Variants in NTNG1 observed in about 807,000 individuals in gnomAD.
The protein encoded by NTNG1 is netrin G1.
Under a neutral mutation model 54.0 loss-of-function variants are expected in NTNG1, and 16 were observed. The ratio of observed to expected loss-of-function variants is 0.30; its 90% CI spans 0.20 to 0.45. NTNG1 has a LOEUF of 0.45. NTNG1 is among the 20% of genes least tolerant of loss of function. The pLI is 1.00. For missense variants in NTNG1, 530 were observed against 678.7 expected (o/e 0.78, Z 2.43); for synonymous variants, 255 against 263.1 (o/e 0.97, Z 0.30).
At chr1:107,330,467 A>G (rs1406228519) in intron 3 of NTNG1, among the ~76,000 whole-genome samples, 1 of 152,196 alleles carries the variant, frequency 6.6e-6, no homozygotes, top group East Asian at 1.9e-4. Flanking sequence ...CATATTCCAC[A>G]GGAGCCATCA....
At chr1:107,293,357 T>C (rs968952362) in intron 2 of NTNG1, among the ~76,000 whole-genome samples, 4 of 152,230 alleles carry the variant, frequency 2.6e-5, no homozygotes, top group Non-Finnish European at 4.4e-5. Flanking sequence ...ATTCATATTC[T>C]AGGAATTTTT....
chr1:107,449,814 T>C (rs1395579428), intron 7 of NTNG1, among the ~76,000 whole-genome samples: 1 of 152,066 alleles, frequency 6.6e-6, no homozygotes, highest in African/African-American at 2.4e-5. Context: ...TGCTTTATAA[T>C]TGATTTTTCT....
chr1:107,456,106 C>T (rs1394847095), intron 7 of NTNG1, among the ~76,000 whole-genome samples: 1 of 152,068 alleles, frequency 6.6e-6, no homozygotes, highest in Non-Finnish European at 1.5e-5. Flanking sequence ...AAACAGAAAA[C>T]CATTACATGC....
At chr1:107,378,087 A>G (rs1240341911) in intron 3 of NTNG1, among the ~76,000 whole-genome samples, 1 of 152,238 alleles carries the variant, frequency 6.6e-6, no homozygotes, top group Admixed American at 6.5e-5. Flanking sequence ...GTAAGTGCTT[A>G]TATTTAGAAA....
chr1:107,327,855 G>A (rs1479875441), intron 3 of NTNG1, among the ~76,000 whole-genome samples: 1 of 152,102 alleles, frequency 6.6e-6, no homozygotes, highest in Non-Finnish European at 1.5e-5. Flanking sequence ...CTTTGCTTAA[G>A]ATGACTGAGC....
At chr1:107,172,744 C>G (rs1380273432) in intron 2 of NTNG1, among the ~76,000 whole-genome samples, 1 of 152,146 alleles carries the variant, frequency 6.6e-6, no homozygotes, top group Non-Finnish European at 1.5e-5. Flanking sequence ...ACATTATAGA[C>G]TCCTTGTCCC....
At chr1:107,403,828 A>G (rs1250516406) in intron 4 of NTNG1, among the ~76,000 whole-genome samples, 1 of 152,108 alleles carries the variant, frequency 6.6e-6, no homozygotes, top group African/African-American at 2.4e-5. Flanking sequence ...GACTTGGACA[A>G]GGCACTTGAG....
intron 5 of NTNG1, chr1:107,409,288 GAC>G (rs1283194139): frequency 1.3e-5 from 2 of 152,182 alleles, no homozygotes; most frequent in East Asian, 3.9e-4. Context: ...GAAGCAAGCT[GAC>G]ACAGATTATT....
chr1:107,204,122 C>CTGTTTTGTTT (rs565420617), intron 2 of NTNG1, among the ~76,000 whole-genome samples: 1 of 151,666 alleles, frequency 6.6e-6, no homozygotes, highest in Admixed American at 6.6e-5. Flanking sequence ...CAAGATGTTT[C>CTGTTTTGTTT]TGTTTTGTTT....
chr1:107,314,267 C>T (rs1201156736), intron 2 of NTNG1, among the ~76,000 whole-genome samples: 1 of 152,064 alleles, frequency 6.6e-6, no homozygotes, highest in Non-Finnish European at 1.5e-5. Context: ...GGTGTGGTGG[C>T]ACATGCCTGT....
At chr1:107,294,761 T>A (rs1435629083) in intron 2 of NTNG1, among the ~76,000 whole-genome samples, 2 of 152,158 alleles carry the variant, frequency 1.3e-5, no homozygotes, top group Admixed American at 1.3e-4. Context: ...TTCTTTAGTG[T>A]TCATCTGGAA....
intron 2 of NTNG1, among the ~76,000 whole-genome samples, chr1:107,256,287 G>C (rs72699331): frequency 0.081 from 12,390 of 152,230 alleles, 591 homozygotes; most frequent in Middle Eastern, 0.11. Flanking sequence ...TCTCTCAGAA[G>C]CTGGTAACCA....
At chr1:107,237,306 TCTAAGCAGCAAAGCATTC>T (rs1001704655) in intron 2 of NTNG1, among the ~76,000 whole-genome samples, 1 of 152,180 alleles carries the variant, frequency 6.6e-6, no homozygotes, top group African/African-American at 2.4e-5. Flanking sequence ...GGAAGAAATT[TCTAAGCAGCAAAGCATTC>T]AAGAGATGAC....
Position 107,142,094 on chromosome 1 carries a change from T to A in NTNG1, c.-526+954T>A, listed in dbSNP as rs150610080. Among the ~76,000 whole-genome samples the A allele has an allele frequency of 1.3e-3, 192 of 152,242 alleles. 1 individual carries two copies. Among genetic ancestry groups the A allele is most frequent in the African/African-American group, 4.2e-3 (176 of 41,540 alleles). On this transcript the variant is annotated intron_variant, in intron 1 of 7. Coordinates refer to ENST00000370068, the MANE Select transcript of NTNG1 (RefSeq NM_001113226.3). ...TGCTGTTTGGAATATTCTCTCATAT[T>A]CTTTACTGGCATCATATTAATCGGT...
intron 7 of NTNG1, 23 bp from the exon 8 acceptor site, chr1:107,480,588 C>CAAACA: frequency 8.9e-7 from 1 of 1,119,760 alleles, no homozygotes; most frequent in Non-Finnish European, 1.3e-6. Flanking sequence ...CCACCCACCC[C>CAAACA]TACCTTCCCC....
chr1:107,476,390 G>A (rs1406292962), intron 7 of NTNG1, among the ~76,000 whole-genome samples: 1 of 152,030 alleles, frequency 6.6e-6, no homozygotes, highest in Non-Finnish European at 1.5e-5. Context: ...CCAAATTTGT[G>A]TCTCCAGGAT....
intron 3 of NTNG1, among the ~76,000 whole-genome samples, chr1:107,390,289 C>A (rs1672284409): frequency 6.6e-6 from 1 of 152,204 alleles, no homozygotes; most frequent in Non-Finnish European, 1.5e-5. Flanking sequence ...TGCCCTTCCT[C>A]CAACTTCAGC....
At chr1:107,222,176 A>T (rs1396706849) in intron 2 of NTNG1, among the ~76,000 whole-genome samples, 1 of 151,906 alleles carries the variant, frequency 6.6e-6, no homozygotes, top group Non-Finnish European at 1.5e-5. Flanking sequence ...GCAAATCTGG[A>T]TAGCTTCTCT....
At chr1:107,160,862 T>TA (rs1313958875) in intron 2 of NTNG1, among the ~76,000 whole-genome samples, 3 of 152,102 alleles carry the variant, frequency 2.0e-5, no homozygotes, top group African/African-American at 4.8e-5. Context: ...GGTCTCCACT[T>TA]AAAAAACCTC....
Sources: gnomAD v4.1 joint callset for allele counts (sites outside exome capture counted in the v4.1 genomes callset) on GRCh38, gnomAD v4.1.1 for gene constraint, MANE v1.5 for transcripts, NCBI Gene and HGNC (gene_info 2026-07-23, HGNC 2026-07-21) for gene names.